The following CERS6 variants were observed in gnomAD, a reference collection of about 807,000 sequenced individuals.
CERS6 encodes the protein LAG1 homolog, ceramide synthase 6.
CERS6 carries 26 observed loss-of-function variants against 56.8 expected under a neutral mutation model. The ratio of observed to expected loss-of-function variants is 0.46; its 90% CI spans 0.34 to 0.63. The LOEUF (loss-of-function observed/expected upper bound fraction) is 0.63, where lower values mean the gene tolerates loss of function less well. Among genes scored for constraint, CERS6 ranks in the 30% least tolerant of loss-of-function variants. CERS6 has a pLI of 0.01. For synonymous variants in CERS6, 164 were observed against 173.3 expected (o/e 0.95, Z 0.42); for missense variants, 415 against 467.5 (o/e 0.89, Z 1.04).
chr2:168,538,555 G>T (rs1460579539), intron 1 of CERS6, among the ~76,000 whole-genome samples: 1 of 152,120 alleles, frequency 6.6e-6, no homozygotes, highest in African/African-American at 2.4e-5. Context: ...TACCTAGGTA[G>T]CCCTGTCCTT....
chr2:168,751,959 G>C (rs944799520), intron 8 of CERS6, among the ~76,000 whole-genome samples: 1 of 152,082 alleles, frequency 6.6e-6, no homozygotes, highest in Non-Finnish European at 1.5e-5. Context: ...TTAGTAATCA[G>C]TGTATTTGTC....
At chr2:168,565,951 C>T (rs1695876123) in intron 3 of CERS6, among the ~76,000 whole-genome samples, 1 of 152,150 alleles carries the variant, frequency 6.6e-6, no homozygotes, top group South Asian at 2.1e-4. Flanking sequence ...GCTGGGGAAG[C>T]TGTATCATCC....
chr2:168,618,805 C>G (rs1684388757), intron 3 of CERS6, among the ~76,000 whole-genome samples: 2 of 152,230 alleles, frequency 1.3e-5, no homozygotes, highest in East Asian at 3.9e-4. Context: ...ACCATACTGC[C>G]AAAAGCAATC....
At chr2:168,703,170 C>A in intron 6 of CERS6, among the ~76,000 whole-genome samples, 1 of 152,116 alleles carries the variant, frequency 6.6e-6, no homozygotes, top group African/African-American at 2.4e-5. Context: ...TCCTCATAAA[C>A]AAATACTCTT....
intron 4 of CERS6, among the ~76,000 whole-genome samples, chr2:168,668,982 C>A (rs1433202588): frequency 1.3e-5 from 2 of 152,124 alleles, no homozygotes; most frequent in African/African-American, 4.8e-5. Context: ...CCATTGAAAT[C>A]TTTATCTGAC....
intron 1 of CERS6, among the ~76,000 whole-genome samples, chr2:168,483,167 A>G (rs1290562065): frequency 2.0e-5 from 3 of 152,178 alleles, no homozygotes; most frequent in Non-Finnish European, 4.4e-5. Flanking sequence ...TACATAGACT[A>G]TCTCATTTAA....
At chr2:168,555,360 C>T (rs1695656247) in intron 2 of CERS6, among the ~76,000 whole-genome samples, 1 of 151,552 alleles carries the variant, frequency 6.6e-6, no homozygotes, top group African/African-American at 2.4e-5. Context: ...TGCTATGCTG[C>T]AAAAGTGCTC....
intron 6 of CERS6, among the ~76,000 whole-genome samples, chr2:168,696,500 C>T (rs918985651): frequency 6.6e-6 from 1 of 152,152 alleles, no homozygotes; most frequent in Admixed American, 6.5e-5. Flanking sequence ...AGTTCAAATA[C>T]GTGGAGGATA....
chr2:168,514,428 TAGGGCCAAGAAAA>T (rs150124216), intron 1 of CERS6, among the ~76,000 whole-genome samples: 11,125 of 152,240 alleles, frequency 0.073, 763 homozygotes, highest in East Asian at 0.18. Context: ...TAATTCAGGA[TAGGGCCAAGAAAA>T]AGGCACAGGT....
chr2:168,465,211 A>G (rs909713192), intron 1 of CERS6, among the ~76,000 whole-genome samples: 3 of 152,258 alleles, frequency 2.0e-5, no homozygotes, highest in African/African-American at 7.2e-5. Flanking sequence ...AAAATACTGT[A>G]GACTGGATAA....
At chr2:168,697,349 G>C (rs1326366170) in intron 6 of CERS6, among the ~76,000 whole-genome samples, 1 of 152,120 alleles carries the variant, frequency 6.6e-6, no homozygotes, top group African/African-American at 2.4e-5. Context: ...GGACTCTTTA[G>C]TGATGGTATG....
chr2:168,502,407 G>A (rs974693447), intron 1 of CERS6, among the ~76,000 whole-genome samples: 1 of 152,098 alleles, frequency 6.6e-6, no homozygotes, highest in African/African-American at 2.4e-5. Flanking sequence ...AGAAAGAGAG[G>A]TAGAGGGTCA....
chr2:168,719,779 A>T (rs1178165027), intron 8 of CERS6, among the ~76,000 whole-genome samples: 1 of 152,196 alleles, frequency 6.6e-6, no homozygotes, highest in Admixed American at 6.5e-5. Context: ...TTCCAGTCAC[A>T]ATACATCCTT....
intron 3 of CERS6, among the ~76,000 whole-genome samples, chr2:168,588,565 C>T (rs1215438343): frequency 1.3e-5 from 2 of 152,080 alleles, no homozygotes; most frequent in Non-Finnish European, 2.9e-5. Context: ...CAAGGTTCAC[C>T]CATGTTTTGG....
chr2:168,596,241 T>A (rs561891993), intron 3 of CERS6, among the ~76,000 whole-genome samples: 1 of 152,258 alleles, frequency 6.6e-6, no homozygotes, highest in Non-Finnish European at 1.5e-5. Context: ...GCTTTGGTTT[T>A]GGATCTTATT....
intron 1 of CERS6, among the ~76,000 whole-genome samples, chr2:168,497,779 A>G (rs1033381931): frequency 6.6e-6 from 1 of 152,116 alleles, no homozygotes; most frequent in South Asian, 2.1e-4. Flanking sequence ...GTAGGTTTTG[A>G]GCAATTGAGT....
chr2:168,495,614 G>A (rs1694452584), intron 1 of CERS6, among the ~76,000 whole-genome samples: 1 of 152,164 alleles, frequency 6.6e-6, no homozygotes, highest in Non-Finnish European at 1.5e-5. Context: ...ACGTGGTTGG[G>A]GCATCTAGCA....
At chr2:168,487,041 T>C (rs535157759) in intron 1 of CERS6, among the ~76,000 whole-genome samples, 2 of 152,338 alleles carry the variant, frequency 1.3e-5, no homozygotes, top group East Asian at 3.9e-4. Context: ...ACTTTTTGTC[T>C]GTCTGTTGCC....
intron 4 of CERS6, among the ~76,000 whole-genome samples, chr2:168,632,593 A>G (rs533034661): frequency 6.6e-6 from 1 of 152,200 alleles, no homozygotes; most frequent in African/African-American, 2.4e-5. Context: ...GAAATTCTCA[A>G]CTGGAGTAAA....
Sources: gnomAD v4.1 joint callset for allele counts (sites outside exome capture counted in the v4.1 genomes callset) on GRCh38, gnomAD v4.1.1 for gene constraint, MANE v1.5 for transcripts, NCBI Gene and HGNC (gene_info 2026-07-23, HGNC 2026-07-21) for gene names.